Variants in ANK3 observed in about 807,000 individuals in gnomAD.
The protein encoded by ANK3 is ankyrin 3, also known as ankyrin-3.
ANK3 carries 57 observed loss-of-function variants against 370.9 expected under a neutral mutation model. That is an observed-to-expected ratio of 0.15 (90% CI 0.12 to 0.19). The LOEUF is 0.19. ANK3 is among the 10% of genes least tolerant of loss of function. The probability of loss-of-function intolerance (pLI) is 1.00; values close to 1 mark genes in which losing one functional copy is unlikely to be tolerated. For synonymous variants in ANK3, 1,929 were observed against 1,946.3 expected (o/e 0.99, Z 0.23); for missense variants, 4,439 against 5,302.1 (o/e 0.84, Z 5.06).
chr10:60,041,232 G>A (rs1323399170), intron 43 of ANK3, among the ~76,000 whole-genome samples: 1 of 152,016 alleles, frequency 6.6e-6, no homozygotes, highest in Non-Finnish European at 1.5e-5. Context: ...ATATAAACTG[G>A]ATCATACCAC....
chr10:60,082,836 A>C, intron 33 of ANK3, 99 bp from the exon 34 acceptor site: 1 of 1,356,632 alleles, frequency 7.4e-7, no homozygotes. Flanking sequence ...AAGCCCTATG[A>C]GAGGCAGGAA....
In ANK3 at chr10:60,073,418, G is replaced by C. The variant is rs758661009; in HGVS notation, c.7463C>G (p.Ala2488Gly). 6.2e-6 allele frequency: 10 copies of C among 1,613,828 alleles called. No homozygotes were observed. Among genetic ancestry groups the C allele is most frequent in the Non-Finnish European group, 8.5e-6 (10 of 1,179,972 alleles). Reference protein sequence around the residue: ...SDTEESVTDHAGPPSSELQGS... With the variant: ...SDTEESVTDHGGPPSSELQGS... The stretch of plus-strand genomic sequence containing the variant: ...CTGTAACTCTGAGCTAGGGGGTCCT[G>C]CATGGTCTGTAACCGATTCCTCAGT... The change falls in exon 37 of 44, where the codon GCA becomes GGA. Residue 2488 changes from alanine (A) to glycine (G), a missense_variant. Around this residue, in one of 13 missense-constraint regions of ANK3, gnomAD observed 1,601 missense variants for 1,731.7 expected, o/e 0.92. Coordinates refer to ENST00000280772, the MANE Select transcript of ANK3 (RefSeq NM_020987.5).
chr10:60,432,215 C>T (rs866431186), intron 2 of ANK3, among the ~76,000 whole-genome samples: 4 of 152,196 alleles, frequency 2.6e-5, no homozygotes, highest in Admixed American at 2.6e-4. Flanking sequence ...ATAACAATTG[C>T]TATTAACATA....
chr10:60,416,622 T>C (rs1438625488), intron 2 of ANK3, among the ~76,000 whole-genome samples: 4 of 152,244 alleles, frequency 2.6e-5, no homozygotes, highest in Non-Finnish European at 5.9e-5. Flanking sequence ...ACATCTAAGC[T>C]GTACAATATA....
intron 2 of ANK3, among the ~76,000 whole-genome samples, chr10:60,412,157 C>T (rs1273411501): frequency 4.6e-5 from 7 of 152,008 alleles, no homozygotes; most frequent in African/African-American, 9.7e-5. Flanking sequence ...TAATTTTTTT[C>T]GTCAACTTGA....
intron 16 of ANK3, among the ~76,000 whole-genome samples, chr10:60,191,897 AT>A (rs1206060692): frequency 6.6e-6 from 1 of 152,036 alleles, no homozygotes; most frequent in African/African-American, 2.4e-5. Flanking sequence ...TGTGGGATAT[AT>A]ACATTTTATT....
At chr10:60,169,254 G>C (rs545725027) in intron 21 of ANK3, among the ~76,000 whole-genome samples, 1 of 151,674 alleles carries the variant, frequency 6.6e-6, no homozygotes, top group African/African-American at 2.4e-5. Flanking sequence ...GGTATGAGAG[G>C]GTATCTCATT....
At chr10:60,286,046 C>A (rs1423141899) in intron 1 of ANK3, among the ~76,000 whole-genome samples, 1 of 152,010 alleles carries the variant, frequency 6.6e-6, no homozygotes, top group East Asian at 1.9e-4. Context: ...TTATCTGATG[C>A]ATATCATACA....
intron 2 of ANK3, among the ~76,000 whole-genome samples, chr10:60,435,839 C>T (rs879722521): frequency 6.6e-6 from 1 of 152,238 alleles, no homozygotes; most frequent in African/African-American, 2.4e-5. Flanking sequence ...GTGGCTCACG[C>T]CTGTAATCCC....
rs1007241833 is a variant in ANK3, at chr10:60,228,909, G to A, written c.897+5779C>T. Among the ~76,000 whole-genome samples, 6 of 152,108 alleles carry A rather than the reference G, an allele frequency of 3.9e-5. No individual in the cohort carries two copies. In the South Asian group the frequency reaches 6.2e-4, roughly 16 times the overall value. ...GACTCTTCAACAGAACCAGGCATAC[G>A]ACATTTATTAGGTTGGTGCAACAAC... On this transcript the variant is annotated intron_variant, in intron 8 of 43. Coordinates refer to ENST00000280772, the MANE Select transcript of ANK3 (RefSeq NM_020987.5).
intron 8 of ANK3, among the ~76,000 whole-genome samples, chr10:60,226,485 A>T: frequency 1.2e-5 from 1 of 80,654 alleles, no homozygotes; most frequent in Non-Finnish European, 2.1e-5. Flanking sequence ...TATACTATAT[A>T]TATACATATA....
At chr10:60,425,449 A>C (rs765383066) in intron 2 of ANK3, among the ~76,000 whole-genome samples, 1 of 152,140 alleles carries the variant, frequency 6.6e-6, no homozygotes, top group Non-Finnish European at 1.5e-5. Context: ...GTGTTTAAAC[A>C]ATAGATTTCT....
chr10:60,371,238 G>T (rs1010780718), intron 1 of ANK3, among the ~76,000 whole-genome samples: 1 of 151,984 alleles, frequency 6.6e-6, no homozygotes, highest in Non-Finnish European at 1.5e-5. Context: ...GAAGACATAC[G>T]AGTGGCCAAC....
chr10:60,216,167 C>A (rs746286470), intron 8 of ANK3, among the ~76,000 whole-genome samples: 8 of 151,582 alleles, frequency 5.3e-5, no homozygotes, highest in Admixed American at 2.0e-4. Flanking sequence ...AGTTTTTGGG[C>A]TGAGATGGTG....
intron 26 of ANK3, among the ~76,000 whole-genome samples, chr10:60,109,356 C>T (rs78986835): frequency 1.3e-5 from 2 of 152,162 alleles, no homozygotes; most frequent in East Asian, 3.9e-4. Flanking sequence ...TAAAATCGGT[C>T]TAGTAACAGG....
intron 8 of ANK3, among the ~76,000 whole-genome samples, chr10:60,223,370 A>G (rs557914476): frequency 6.6e-6 from 1 of 152,340 alleles, no homozygotes; most frequent in Admixed American, 6.5e-5. Context: ...CTTTACTACT[A>G]TAAAATTCCT....
At position 60,073,320 on chromosome 10, in the gene ANK3, C is replaced by G; in HGVS notation, c.7561G>C (p.Asp2521His). ...TTACCTACACCATTTTCAGAAACATCTTTATAGATTTTGGAGAGAATTTCT... is the reference window on the plus strand; with the variant it reads ...TTACCTACACCATTTTCAGAAACATGTTTATAGATTTTGGAGAGAATTTCT... ...KKEILSKIYK[D>H]VSENGVGKVS... The change falls in exon 37 of 44, where the codon GAT becomes CAT. Residue 2521 changes from aspartate (D) to histidine (H), a missense_variant. Around this residue, in one of 13 missense-constraint regions of ANK3, gnomAD observed 1,601 missense variants for 1,731.7 expected, o/e 0.92. Transcript: ENST00000280772. 6.2e-7 allele frequency: 1 copy of G among 1,614,016 alleles called. No homozygotes were observed. The highest frequency in any genetic ancestry group is 8.5e-7 in the Non-Finnish European group (1 of 1,179,998).
At chr10:60,214,061 T>C (rs1265487378) in intron 8 of ANK3, among the ~76,000 whole-genome samples, 1 of 152,160 alleles carries the variant, frequency 6.6e-6, no homozygotes, top group Non-Finnish European at 1.5e-5. Context: ...CCTGACTGGA[T>C]TATTATAATT....
chr10:60,697,776 T>C (rs1035163968), intron 1 of ANK3, among the ~76,000 whole-genome samples: 2 of 152,154 alleles, frequency 1.3e-5, no homozygotes, highest in Non-Finnish European at 2.9e-5. Flanking sequence ...AAGACTTAAA[T>C]GTTAGACCTA....
Sources: gnomAD v4.1 joint callset for allele counts (sites outside exome capture counted in the v4.1 genomes callset) on GRCh38, gnomAD v4.1.1 for gene constraint, gnomAD v4.1.1 regional missense constraint, MANE v1.5 for transcripts, NCBI Gene and HGNC (gene_info 2026-07-23, HGNC 2026-07-21) for gene names.